Variants in DMD observed in about 807,000 individuals in gnomAD.
DMD encodes the protein mutant dystrophin.
A neutral mutation model predicts 330.1 loss-of-function variants in DMD; 63 were observed. The observed-to-expected ratio is 0.19, with a 90% CI of 0.16 to 0.24. The LOEUF (loss-of-function observed/expected upper bound fraction) is 0.24, where lower values mean the gene tolerates loss of function less well. DMD is among the 10% of genes least tolerant of loss of function. The probability of loss-of-function intolerance (pLI) is 1.00; values close to 1 mark genes in which losing one functional copy is unlikely to be tolerated. For missense variants in DMD, 3,344 were observed against 2,684.1 expected, an observed-to-expected ratio of 1.25 and a Z score of -5.43; for synonymous variants, 1,223 against 959.8, an observed-to-expected ratio of 1.27 and a Z score of -5.07.
At chrX:31,521,491 G>C (rs1225958810) in intron 55 of DMD, among the ~76,000 whole-genome samples, 1 of 112,136 alleles carries the variant, frequency 8.9e-6, no homozygotes, top group Non-Finnish European at 1.9e-5. Flanking sequence ...AAAGAACAGT[G>C]GAAATCTGCT....
intron 1 of DMD, among the ~76,000 whole-genome samples, chrX:33,191,944 T>C (rs1406674659): frequency 8.9e-6 from 1 of 112,173 alleles, no homozygotes; most frequent in East Asian, 2.8e-4. Flanking sequence ...GTACATGTGA[T>C]ATGTAACAGC....
chrX:31,482,228 T>G, intron 57 of DMD, among the ~76,000 whole-genome samples: 1 of 82,290 alleles, frequency 1.2e-5, no homozygotes, highest in African/African-American at 7.1e-5. Context: ...GGTGTGTGTG[T>G]GTGTGTGTGG....
chrX:32,407,343 G>T (rs865819397), intron 30 of DMD, among the ~76,000 whole-genome samples: 4 of 111,740 alleles, frequency 3.6e-5, no homozygotes, highest in African/African-American at 1.3e-4. Flanking sequence ...CTCAAAAGAA[G>T]ACATTTATGC....
chrX:31,438,703 G>C (rs1328545988), intron 60 of DMD, among the ~76,000 whole-genome samples: 1 of 111,129 alleles, frequency 9.0e-6, no homozygotes, highest in East Asian at 2.8e-4. Context: ...TTATTTGTAA[G>C]AGCAGATGGC....
chrX:32,733,467 T>C (rs1186228651), intron 7 of DMD, among the ~76,000 whole-genome samples: 1 of 110,977 alleles, frequency 9.0e-6, no homozygotes, highest in Non-Finnish European at 1.9e-5. Context: ...TACATTCTTT[T>C]CAGCACCACA....
intron 43 of DMD, among the ~76,000 whole-genome samples, chrX:32,252,101 A>C (rs1245189654): frequency 9.0e-6 from 1 of 111,718 alleles, no homozygotes; most frequent in Non-Finnish European, 1.9e-5. Context: ...TGTGGCCTAC[A>C]ATGACTTGTA....
At chrX:32,730,388 G>A (rs1260393736) in intron 7 of DMD, among the ~76,000 whole-genome samples, 1 of 111,842 alleles carries the variant, frequency 8.9e-6, no homozygotes, top group East Asian at 2.8e-4. Flanking sequence ...TAAATGCATA[G>A]ATATGTGATC....
At position 31,438,423 on chromosome X, in the gene DMD, T is replaced by C. The variant is rs769762290; in HGVS notation, c.9084+6058A>G. On this transcript the variant is annotated intron_variant, in intron 60 of 78. Transcript: ENST00000357033. ...CTCCACACCAGACCCACTGAATCATTTGAAACTTGGTATGTGGAGCCCAGT... is the reference window on the plus strand; with the variant it reads ...CTCCACACCAGACCCACTGAATCATCTGAAACTTGGTATGTGGAGCCCAGT... Among the ~76,000 whole-genome samples, 2 of 112,023 alleles carry C rather than the reference T, an allele frequency of 1.8e-5. 1 individual carries two copies. Among genetic ancestry groups the C allele is most frequent in the South Asian group, 7.4e-4 (2 of 2,689 alleles).
intron 13 of DMD, 65 bp downstream of exon 13, chrX:32,595,692 A>T: frequency 9.1e-7 from 1 of 1,103,277 alleles, no homozygotes; most frequent in Non-Finnish European, 1.2e-6. Context: ...TAAATTTTTA[A>T]AATACTTTTC....
chrX:32,417,822 T>TACACAC (rs397933423), intron 29 of DMD, among the ~76,000 whole-genome samples: 90 of 105,355 alleles, frequency 8.5e-4, no homozygotes, highest in Middle Eastern at 4.8e-3. Context: ...GTATCTCTGT[T>TACACAC]ACACACACAC....
rs1300517940 is a variant in DMD at position 32,809,429 on chromosome X, G to C, written c.649+64C>G. On this transcript the variant is annotated intron_variant, in intron 7 of 78. Transcript: ENST00000357033. Reference sequence around the variant, plus strand: ...TTTGTATTTTGTGTAGAAATGACAAGTCTCAGATGAAAACATTAAACTCTA... The same window carrying C: ...TTTGTATTTTGTGTAGAAATGACAACTCTCAGATGAAAACATTAAACTCTA... The C allele has an allele frequency of 3.3e-6, 3 of 920,820 alleles. No individual in the cohort carries two copies. The African/African-American group carries it at 5.8e-5, about 18-fold the overall frequency. The allele number at this position is 920,820 out of a possible 1,213,427, so 75.9% of individuals were successfully genotyped here. A position where few individuals can be genotyped will look rare whatever the true frequency, so the allele number is the denominator to read the frequency against.
intron 52 of DMD, among the ~76,000 whole-genome samples, chrX:31,696,203 G>C (rs2083444100): frequency 9.0e-6 from 1 of 111,666 alleles, no homozygotes; most frequent in African/African-American, 3.2e-5. Context: ...TTGCAGAATT[G>C]TTGACAGCAA....
chrX:32,653,470 A>G (rs766120833), intron 9 of DMD, among the ~76,000 whole-genome samples: 133 of 111,302 alleles, frequency 1.2e-3, no homozygotes, highest in African/African-American at 4.3e-3. Flanking sequence ...ATAGTAGTAG[A>G]TATGTGGCAT....
chrX:33,187,384 G>C (rs1422188169), intron 1 of DMD, among the ~76,000 whole-genome samples: 3 of 112,623 alleles, frequency 2.7e-5, no homozygotes, highest in Admixed American at 9.4e-5. Context: ...TTAAGTGATA[G>C]TAAATAAGTA....
intron 1 of DMD, among the ~76,000 whole-genome samples, chrX:33,206,903 T>G (rs2051606475): frequency 9.1e-6 from 1 of 110,309 alleles, no homozygotes; most frequent in Non-Finnish European, 1.9e-5. Context: ...GGGCTACAAG[T>G]GCAGGTTTGT....
chrX:32,885,827 G>GGAA (rs1557115361), intron 2 of DMD, among the ~76,000 whole-genome samples: 1,634 of 65,005 alleles, frequency 0.025, 27 homozygotes, highest in Middle Eastern at 0.042. Flanking sequence ...CCTTGAGGGG[G>GGAA]AAAAAAAAAA....
chrX:32,835,507 A>C (rs1432776840), intron 4 of DMD, among the ~76,000 whole-genome samples: 2 of 112,824 alleles, frequency 1.8e-5, no homozygotes, highest in African/African-American at 6.4e-5. Flanking sequence ...ACTTAGAAGT[A>C]CTTTCTTCTC....
chrX:32,020,016 G>A (rs1475291594), intron 44 of DMD, among the ~76,000 whole-genome samples: 1 of 112,630 alleles, frequency 8.9e-6, no homozygotes, highest in African/African-American at 3.2e-5. Flanking sequence ...AGGTGGGCAA[G>A]GAAAGGGTTT....
At chrX:32,528,338 T>C (rs1340835427) in intron 17 of DMD, among the ~76,000 whole-genome samples, 1 of 111,637 alleles carries the variant, frequency 9.0e-6, no homozygotes, top group Non-Finnish European at 1.9e-5. Flanking sequence ...CATAGCTATA[T>C]ATGTGTGTGT....
Sources: gnomAD v4.1 joint callset for allele counts (sites outside exome capture counted in the v4.1 genomes callset) on GRCh38, gnomAD v4.1.1 for gene constraint, MANE v1.5 for transcripts, NCBI Gene and HGNC (gene_info 2026-07-23, HGNC 2026-07-21) for gene names.